PLAC8L1: variants seen among roughly 807,000 people sequenced by gnomAD.
PLAC8L1 encodes PLAC8-like protein 1.
A neutral mutation model predicts 16.3 loss-of-function variants in PLAC8L1; 13 were observed. The ratio of observed to expected loss-of-function variants is 0.80; its 90% CI spans 0.52 to 1.27. The LOEUF (loss-of-function observed/expected upper bound fraction) is 1.27. PLAC8L1 is among the 50% of genes most tolerant of loss of function. The pLI, the probability that PLAC8L1 is intolerant of heterozygous loss-of-function variation, is 0.00. For missense variants in PLAC8L1, 184 were observed against 220.2 expected, an observed-to-expected ratio of 0.84 and a Z score of 1.04; for synonymous variants, 78 against 79.3, an observed-to-expected ratio of 0.98 and a Z score of 0.09.
At position 146,105,084 on chromosome 5, in the gene PLAC8L1, G is replaced by C. The variant is rs549443880; in HGVS notation, c.-773C>G. On this transcript the variant is annotated 5_prime_UTR_variant, in exon 1 of 4. Coordinates refer to ENST00000311450, the MANE Select transcript of PLAC8L1 (RefSeq NM_001029869.3). Reference sequence around the variant, plus strand: ...TGCCTCTGGCACATGTCTTATGGAGGTGTGGACCCTAGAAATATTAGGAAA... The same window carrying C: ...TGCCTCTGGCACATGTCTTATGGAGCTGTGGACCCTAGAAATATTAGGAAA... 6.6e-6 allele frequency among the ~76,000 whole-genome samples: 1 copy of C among 152,148 alleles called. No individual in the cohort carries two copies. Among genetic ancestry groups the C allele is most frequent in the Non-Finnish European group, 1.5e-5 (1 of 68,036 alleles).
intron 2 of PLAC8L1, among the ~76,000 whole-genome samples, chr5:146,093,054 GGATA>G (rs1247753167): frequency 6.6e-6 from 1 of 151,936 alleles, no homozygotes; most frequent in Non-Finnish European, 1.5e-5. Context: ...ACATCTAGAA[GGATA>G]GATACCAAAA....
rs767179456 is a variant in PLAC8L1 at position 146,105,118 on chromosome 5, G to C, written c.-807C>G. ...CTAGAAATATTAGGAAATATCCTAA[G>C]ACAAAAAATTAGGCAAAATTTCACG... is the stretch of plus-strand genomic sequence containing the variant. On this transcript the variant is annotated 5_prime_UTR_variant, in exon 1 of 4. Coordinates refer to ENST00000311450, the MANE Select transcript of PLAC8L1 (RefSeq NM_001029869.3). Among the ~76,000 whole-genome samples the C allele has an allele frequency of 6.6e-6, 1 of 152,080 alleles. No homozygotes were observed. Among genetic ancestry groups the C allele is most frequent in the Non-Finnish European group, 1.5e-5 (1 of 68,008 alleles).
At chr5:146,098,372 A>G (rs1407996829) in intron 1 of PLAC8L1, 80 bp from the exon 2 acceptor site, 3 of 1,446,734 alleles carry the variant, frequency 2.1e-6, no homozygotes, top group Non-Finnish European at 2.8e-6. Context: ...CAGAACCATA[A>G]AGAAGAGATA....
At chr5:146,092,534 G>GTTTT (rs1561783507) in intron 2 of PLAC8L1, among the ~76,000 whole-genome samples, 1 of 132,708 alleles carries the variant, frequency 7.5e-6, no homozygotes, top group African/African-American at 2.7e-5. Flanking sequence ...AATCTTTGCA[G>GTTTT]ATTTTTTTTT....
At chr5:146,090,903 A>T (rs894087670) in intron 2 of PLAC8L1, among the ~76,000 whole-genome samples, 5 of 151,990 alleles carry the variant, frequency 3.3e-5, no homozygotes, top group Non-Finnish European at 5.9e-5. Flanking sequence ...AAATACAAAA[A>T]ATTAGCCGGG....
chr5:146,084,541 T>A lies in PLAC8L1; in HGVS notation c.425A>T (p.His142Leu). ...GCAGATGGAAAAAGCCCAACAGCAG[T>A]GCACCGCCAGCCAGTCTTCACACAG... is the stretch of plus-strand genomic sequence containing the variant. ...GTLCEDWLAV[H>L]CCWAFSICQV... is the part of the protein sequence containing the mutation. Residue 142 changes from histidine to leucine, a missense_variant, in exon 4 of 4, where the codon CAC (histidine) becomes CTC (leucine). By Grantham distance (99) the His-to-Leu change is moderately conservative (BLOSUM62 -3). Transcript: ENST00000311450. The A allele has an allele frequency of 6.2e-7, 1 of 1,613,998 alleles. No homozygotes were observed. Among genetic ancestry groups the A allele is most frequent in the Non-Finnish European group, 8.5e-7 (1 of 1,180,018 alleles).
At chr5:146,094,375 C>G (rs912271540) in intron 2 of PLAC8L1, among the ~76,000 whole-genome samples, 11 of 152,176 alleles carry the variant, frequency 7.2e-5, no homozygotes, top group African/African-American at 1.9e-4. Context: ...GCCACCGCAC[C>G]CAGCCTATAG....
intron 3 of PLAC8L1, among the ~76,000 whole-genome samples, chr5:146,085,041 G>A (rs1274055634): frequency 6.7e-6 from 1 of 149,630 alleles, no homozygotes; most frequent in Non-Finnish European, 1.5e-5. Flanking sequence ...TACATTCTAT[G>A]TCTACATAAA....
At chr5:146,095,395 G>A (rs1475708053) in intron 2 of PLAC8L1, among the ~76,000 whole-genome samples, 3 of 152,100 alleles carry the variant, frequency 2.0e-5, no homozygotes, top group African/African-American at 4.8e-5. Context: ...GCGTTGATGC[G>A]GGTTGAGAGC....
chr5:146,092,521 T>C (rs1197004317), intron 2 of PLAC8L1, among the ~76,000 whole-genome samples: 1 of 149,382 alleles, frequency 6.7e-6, no homozygotes, highest in African/African-American at 2.5e-5. Context: ...ATTCATACAA[T>C]GGAATCTTTG....
At chr5:146,089,982 G>A (rs1055826352) in intron 2 of PLAC8L1, among the ~76,000 whole-genome samples, 16 of 151,770 alleles carry the variant, frequency 1.1e-4, no homozygotes, top group African/African-American at 2.4e-4. Context: ...CAGGTGATCC[G>A]CCCGCTTCAG....
intron 2 of PLAC8L1, among the ~76,000 whole-genome samples, chr5:146,093,891 G>A (rs916452329): frequency 3.3e-5 from 5 of 152,160 alleles, no homozygotes; most frequent in African/African-American, 1.2e-4. Flanking sequence ...GCTCGCTACA[G>A]GGAAGCTGTT....
intron 2 of PLAC8L1, among the ~76,000 whole-genome samples, chr5:146,086,320 C>T (rs1425648688): frequency 3.3e-5 from 5 of 152,254 alleles, no homozygotes; most frequent in East Asian, 1.9e-4. Flanking sequence ...TGAGCCACCG[C>T]GCCCGGCCGA....
At chr5:146,101,059 T>A (rs1193757918) in intron 1 of PLAC8L1, among the ~76,000 whole-genome samples, 1 of 152,050 alleles carries the variant, frequency 6.6e-6, no homozygotes, top group East Asian at 1.9e-4. Flanking sequence ...AAGCCAGGCA[T>A]GGTGGCACGC....
At chr5:146,085,826 T>A (rs1210207576) in intron 2 of PLAC8L1, among the ~76,000 whole-genome samples, 1 of 152,222 alleles carries the variant, frequency 6.6e-6, no homozygotes, top group Non-Finnish European at 1.5e-5. Flanking sequence ...ATGAACCTGA[T>A]ACAATTCTGT....
intron 1 of PLAC8L1, 70 bp downstream of exon 1, chr5:146,104,123 T>C (rs1442739472): frequency 2.6e-6 from 4 of 1,562,460 alleles, no homozygotes; most frequent in East Asian, 4.6e-5. Context: ...TGGTTCCTTA[T>C]AAGTAGAGGT....
At position 146,085,494 on chromosome 5, in the gene PLAC8L1, CA is replaced by C. The variant is rs1561781499; in HGVS notation, c.359del (p.Leu120ArgfsTer39). ...TATGTCTCTCCCTGGTGCCAATTCTCAGTGCAAAGGTGGACCCAGGTAACAA... is the reference window on the plus strand; with the variant it reads ...TATGTCTCTCCCTGGTGCCAATTCTCGTGCAAAGGTGGACCCAGGTAACAA... ...WPLLPGSTFA[L>X]RIGTRERHKI... is the part of the protein sequence containing the mutation. On this transcript the variant is annotated frameshift_variant, in exon 3 of 4. Coordinates refer to ENST00000311450, the MANE Select transcript of PLAC8L1 (RefSeq NM_001029869.3). LOFTEE classifies it high-confidence loss of function. 6.2e-7 allele frequency: 1 copy of C among 1,614,106 alleles called. No individual in the cohort carries two copies. Among genetic ancestry groups the C allele is most frequent in the Admixed American group, 1.7e-5 (1 of 60,010 alleles).
intron 3 of PLAC8L1, 25 bp downstream of exon 3, chr5:146,085,436 C>G (rs1463001509): frequency 1.2e-6 from 2 of 1,609,522 alleles, no homozygotes; most frequent in African/African-American, 2.7e-5. Context: ...GATTCGGGTT[C>G]ACGTATACCT....
rs557155367 is a variant in PLAC8L1, at chr5:146,104,426, A to G, written c.-115T>C. 5 of 863,582 alleles carry G rather than the reference A, an allele frequency of 5.8e-6. No individual in the cohort carries two copies. The highest frequency in any genetic ancestry group is 9.7e-6 in the Non-Finnish European group (5 of 517,770). 53.5% of individuals were successfully genotyped at this position (863,582 alleles called of 1,614,324 possible). On this transcript the variant is annotated 5_prime_UTR_variant, in exon 1 of 4. Transcript: ENST00000311450. ...CATCTCTTGAAAGAATGTTCCCTTA[A>G]TATTCTGGAACCTGAGGTCATAGCA...
Sources: allele counts gnomAD v4.1 joint callset (sites outside exome capture counted in the v4.1 genomes callset), GRCh38; gene constraint gnomAD v4.1.1; transcripts MANE v1.5; gene names NCBI Gene and HGNC (gene_info 2026-07-23, HGNC 2026-07-21).